The following UNC13C variants were observed in gnomAD, a reference collection of about 807,000 sequenced individuals.
UNC13C encodes the protein unc-13 homolog C.
A neutral mutation model predicts 245.4 loss-of-function variants in UNC13C; 174 were observed. That is an observed-to-expected ratio of 0.71 (90% confidence interval 0.63 to 0.80). The LOEUF is 0.80. UNC13C is among the 30% of genes least tolerant of loss of function. The pLI is 0.00. For missense variants in UNC13C, 2,829 were observed against 2,602.9 expected (o/e 1.09, Z -1.89); for synonymous variants, 992 against 895.1 (o/e 1.11, Z -1.93).
chr15:53,918,249 T>G, the UNC13C span, among the ~76,000 whole-genome samples: 1 of 151,890 alleles, frequency 6.6e-6, no homozygotes, highest in Non-Finnish European at 1.5e-5. Flanking sequence ...AGCCCCTGAG[T>G]GTGCTGCTCT....
chr15:53,967,850 CA>C, the UNC13C span, among the ~76,000 whole-genome samples: 4 of 152,074 alleles, frequency 2.6e-5, no homozygotes, highest in African/African-American at 9.7e-5. Flanking sequence ...GAAACAGTGC[CA>C]ACTGTGATGC....
intron 17 of UNC13C, 141 bp downstream of exon 17, chr15:54,338,630 C>G: frequency 3.2e-6 from 3 of 935,394 alleles, no homozygotes; most frequent in Non-Finnish European, 4.6e-6. Flanking sequence ...CATACCTTTT[C>G]TTCATATTTG....
chr15:53,997,991 C>T (rs566203880), intron 1 of UNC13C, among the ~76,000 whole-genome samples: 46 of 151,756 alleles, frequency 3.0e-4, no homozygotes, highest in African/African-American at 1.1e-3. Context: ...TTTGTAGAGA[C>T]AAGGTTTCGT....
chr15:54,313,564 A>C (rs1046378804), intron 13 of UNC13C, among the ~76,000 whole-genome samples: 7 of 151,792 alleles, frequency 4.6e-5, no homozygotes, highest in Admixed American at 3.3e-4. Flanking sequence ...ATAAACTAAA[A>C]ACTTATGTAT....
intron 13 of UNC13C, among the ~76,000 whole-genome samples, chr15:54,312,927 GA>G (rs2037913117): frequency 1.3e-5 from 2 of 151,882 alleles, no homozygotes; most frequent in South Asian, 4.1e-4. Context: ...GTTCCTTCCA[GA>G]AACTGGGAAA....
chr15:54,161,421 C>A (rs1237489360), intron 4 of UNC13C, among the ~76,000 whole-genome samples: 1 of 152,156 alleles, frequency 6.6e-6, no homozygotes, highest in African/African-American at 2.4e-5. Context: ...CGCTATTTGA[C>A]AGTGGTAGGC....
chr15:53,941,972 T>A, the UNC13C span, among the ~76,000 whole-genome samples: 5 of 152,150 alleles, frequency 3.3e-5, no homozygotes, highest in African/African-American at 1.2e-4. Context: ...GTAAATTAGT[T>A]CAACATTGTG....
At chr15:53,988,937 T>C (rs1486002212) in intron 1 of UNC13C, among the ~76,000 whole-genome samples, 1 of 151,996 alleles carries the variant, frequency 6.6e-6, no homozygotes, top group African/African-American at 2.4e-5. Flanking sequence ...CTCCATATTG[T>C]CAGTATTTTT....
intron 19 of UNC13C, among the ~76,000 whole-genome samples, chr15:54,455,965 T>G (rs1005238633): frequency 2.6e-5 from 4 of 152,216 alleles, no homozygotes; most frequent in African/African-American, 9.6e-5. Flanking sequence ...CAAAGACTTT[T>G]TCTGATGTTA....
At chr15:54,303,698 T>C (rs1049409058) in intron 13 of UNC13C, among the ~76,000 whole-genome samples, 15 of 151,754 alleles carry the variant, frequency 9.9e-5, no homozygotes, top group South Asian at 2.1e-4. Flanking sequence ...CATGACATGG[T>C]CTCAGGAGTT....
At chr15:54,211,471 G>C (rs557124352) in intron 4 of UNC13C, among the ~76,000 whole-genome samples, 263 of 152,144 alleles carry the variant, frequency 1.7e-3, no homozygotes, top group African/African-American at 6.1e-3. Flanking sequence ...GGTAGCATTT[G>C]CCTTTTTTCC....
chr15:54,625,383 C>T (rs1313417771), intron 32 of UNC13C, among the ~76,000 whole-genome samples: 7 of 152,018 alleles, frequency 4.6e-5, no homozygotes, highest in Admixed American at 4.6e-4. Flanking sequence ...CTGGGCGATA[C>T]CTGGCACTGA....
intron 27 of UNC13C, 138 bp downstream of exon 27, chr15:54,546,983 A>T (rs529231663): frequency 1.3e-6 from 1 of 791,552 alleles, no homozygotes; most frequent in East Asian, 3.2e-5. Flanking sequence ...AACAATGATC[A>T]TTCAAATGAT....
intron 29 of UNC13C, among the ~76,000 whole-genome samples, chr15:54,556,662 A>T (rs916937011): frequency 3.9e-5 from 6 of 152,078 alleles, no homozygotes; most frequent in Non-Finnish European, 8.8e-5. Flanking sequence ...AAGTTTTTTT[A>T]AATTATTTTC....
chr15:54,426,008 G>A (rs1281557814), intron 19 of UNC13C, among the ~76,000 whole-genome samples: 2 of 151,512 alleles, frequency 1.3e-5, no homozygotes, highest in Non-Finnish European at 3.0e-5. Context: ...CAATATCCAG[G>A]TATTTTTCTC....
chr15:53,986,137 G>A (rs1894131388), intron 1 of UNC13C, among the ~76,000 whole-genome samples: 1 of 152,058 alleles, frequency 6.6e-6, no homozygotes, highest in South Asian at 2.1e-4. Context: ...GAGGCAGTGT[G>A]CCTCATTATA....
chr15:53,893,015 C>A, the UNC13C span, among the ~76,000 whole-genome samples: 3 of 152,108 alleles, frequency 2.0e-5, no homozygotes, highest in African/African-American at 7.2e-5. Flanking sequence ...GATTTATCTA[C>A]CTTTGGTCTT....
intron 19 of UNC13C, among the ~76,000 whole-genome samples, chr15:54,473,480 A>G (rs1371410837): frequency 6.6e-6 from 1 of 151,850 alleles, no homozygotes; most frequent in Non-Finnish European, 1.5e-5. Flanking sequence ...TTATGTTTGC[A>G]CCCATTAACC....
chr15:54,514,369 C>T (rs993992351), intron 24 of UNC13C, among the ~76,000 whole-genome samples: 4 of 152,176 alleles, frequency 2.6e-5, no homozygotes, highest in African/African-American at 9.7e-5. Flanking sequence ...TAAAACCTTT[C>T]ACTGGTATTA....
Sources: allele counts gnomAD v4.1 joint callset (sites outside exome capture counted in the v4.1 genomes callset), GRCh38; gene constraint gnomAD v4.1.1; transcripts MANE v1.5; gene names NCBI Gene and HGNC (gene_info 2026-07-23, HGNC 2026-07-21).